CENPS: variants seen among roughly 807,000 people sequenced by gnomAD.
CENPS encodes the protein FANCM associated histone fold protein 1.
In CENPS, 16 loss-of-function variants were observed where a neutral mutation model predicts 17.9. That is an observed-to-expected ratio of 0.90 (90% confidence interval 0.61 to 1.36). The LOEUF is 1.36. CENPS is among the 40% of genes most tolerant of loss of function. The probability of loss-of-function intolerance (pLI) is 0.00; values close to 1 mark genes in which losing one functional copy is unlikely to be tolerated. For synonymous variants in CENPS, 49 were observed against 55.8 expected (o/e 0.88, Z 0.54); for missense variants, 160 against 158.6 (o/e 1.01, Z -0.05).
At chr1:10,439,945 C>A (rs1229696479) in intron 3 of CENPS, among the ~76,000 whole-genome samples, 1 of 152,116 alleles carries the variant, frequency 6.6e-6, no homozygotes, top group Non-Finnish European at 1.5e-5. Flanking sequence ...TATTTAATGT[C>A]TATTTAAGCA....
rs1202467867 is a variant in CENPS, at chr1:10,440,406, A to G, written c.269A>G (p.Asn90Ser). ...GTGAAGCTCTTAGCCAGGAGGAGTA[A>G]TTCACTGGTGAGAGATGAATTTCTT... Reference protein sequence around the residue: ...EDVKLLARRSNSLLKYITDKS... With the variant: ...EDVKLLARRSSSLLKYITDKS... The change falls in exon 4 of 5, where the codon AAT (asparagine) becomes AGT (serine). Residue 90 changes from asparagine to serine, a missense_variant. Coordinates refer to ENST00000309048, the MANE Select transcript of CENPS (RefSeq NM_199294.3). 4.3e-6 allele frequency: 7 copies of G among 1,614,044 alleles called. No homozygotes were observed. Among genetic ancestry groups the G allele is most frequent in the Non-Finnish European group, 5.9e-6 (7 of 1,179,984 alleles).
At chr1:10,434,835 A>G in intron 3 of CENPS, 145 bp downstream of exon 3, 1 of 1,194,992 alleles carries the variant, frequency 8.4e-7, no homozygotes, top group Middle Eastern at 2.0e-4. Context: ...GTTCTGCAAG[A>G]ACATGACGCC....
intron 3 of CENPS, among the ~76,000 whole-genome samples, chr1:10,435,954 G>A (rs371683805): frequency 6.6e-6 from 1 of 150,450 alleles, no homozygotes; most frequent in African/African-American, 2.4e-5. Flanking sequence ...CGGATATTCT[G>A]TGTTTTTTAA....
chr1:10,431,871 A>G, intron 1 of CENPS, among the ~76,000 whole-genome samples: 1 of 150,706 alleles, frequency 6.6e-6, no homozygotes, highest in Non-Finnish European at 1.5e-5. Flanking sequence ...AAAAAAAAAA[A>G]GGCATTCTCC....
chr1:10,436,955 C>T (rs974805183), intron 3 of CENPS, among the ~76,000 whole-genome samples: 1 of 152,018 alleles, frequency 6.6e-6, no homozygotes, highest in African/African-American at 2.4e-5. Flanking sequence ...ATTGATATTC[C>T]TGGAAGGTCA....
rs1639888413 is a variant in CENPS at position 10,431,049 on chromosome 1, G to A, written c.51+481G>A. ...AGGCCCAGAGCTCGTCCTTAGATGT[G>A]GGTTCGAATCTCTGCCCCGCCAACT... On this transcript the variant is annotated intron_variant, in intron 1 of 4. Transcript: ENST00000309048. 4.4e-6 allele frequency: 6 copies of A among 1,353,270 alleles called. No homozygotes were observed. The South Asian group carries it at 9.5e-5, about 21-fold the overall frequency. 83.8% of individuals were successfully genotyped at this position (1,353,270 alleles called of 1,614,324 possible).
chr1:10,431,018 C>G, intron 1 of CENPS: 1 of 1,313,834 alleles, frequency 7.6e-7, no homozygotes, highest in Non-Finnish European at 9.7e-7. Flanking sequence ...GCGGTGCGGA[C>G]CAGTCAGGCC....
At chr1:10,440,546 C>A in intron 4 of CENPS, 133 bp downstream of exon 4, 1 of 1,194,458 alleles carries the variant, frequency 8.4e-7, no homozygotes, top group Non-Finnish European at 1.1e-6. Flanking sequence ...ACCATTCAGA[C>A]CTGCCTGTAA....
chr1:10,435,638 A>C (rs186874280), intron 3 of CENPS, among the ~76,000 whole-genome samples: 3 of 151,542 alleles, frequency 2.0e-5, no homozygotes, highest in Admixed American at 2.0e-4. Context: ...AAAGATATTA[A>C]TACCTTTACT....
At chr1:10,431,257 A>G in intron 1 of CENPS, 1 of 1,534,776 alleles carries the variant, frequency 6.5e-7, no homozygotes, top group Non-Finnish European at 8.7e-7. Flanking sequence ...CGGAGTGGCG[A>G]CCTTAAAGAG....
intron 3 of CENPS, among the ~76,000 whole-genome samples, chr1:10,435,064 G>A (rs1231674740): frequency 2.0e-5 from 3 of 152,178 alleles, no homozygotes; most frequent in Non-Finnish European, 2.9e-5. Context: ...GCCCCTCTGC[G>A]GAGGGAGCTG....
intron 3 of CENPS, among the ~76,000 whole-genome samples, chr1:10,438,710 T>C (rs1236106193): frequency 1.3e-5 from 2 of 152,136 alleles, no homozygotes; most frequent in Admixed American, 6.6e-5. Context: ...TGCCCCTCCA[T>C]TGAGGGCCTT....
At chr1:10,430,850 A>G (rs1457052665) in intron 1 of CENPS, 1 of 1,324,666 alleles carries the variant, frequency 7.5e-7, no homozygotes, top group Admixed American at 3.9e-5. Flanking sequence ...TGGCCTTGCG[A>G]TGAATCCTCG....
chr1:10,437,667 G>C (rs954904841), intron 3 of CENPS, among the ~76,000 whole-genome samples: 1 of 151,502 alleles, frequency 6.6e-6, no homozygotes, highest in Non-Finnish European at 1.5e-5. Flanking sequence ...ATGTTGGCCA[G>C]GTTGGTCTCA....
At position 10,430,475 on chromosome 1, in the gene CENPS, C is replaced by G. The variant is rs779042321; in HGVS notation, c.-43C>G. 2.6e-6 allele frequency: 4 copies of G among 1,531,218 alleles called. No homozygotes were observed. Among genetic ancestry groups the G allele is most frequent in the Non-Finnish European group, 3.5e-6 (4 of 1,139,836 alleles). The allele number at this position is 1,531,218 out of a possible 1,614,324, so 94.9% of individuals were successfully genotyped here. ...TCCGACCTGGCCGCGCACCACCGCC[C>G]CTTCTCGGCCCTCCTGCGTTTGCCC... is the stretch of plus-strand genomic sequence containing the variant. On this transcript the variant is annotated 5_prime_UTR_variant, in exon 1 of 5. Coordinates refer to ENST00000309048, the MANE Select transcript of CENPS (RefSeq NM_199294.3).
intron 3 of CENPS, 76 bp from the exon 4 acceptor site, chr1:10,440,271 C>A: frequency 1.9e-5 from 30 of 1,562,702 alleles, no homozygotes; most frequent in Non-Finnish European, 2.5e-5. Context: ...TGAAGTCTGA[C>A]CGTGAACTTC....
intron 4 of CENPS, among the ~76,000 whole-genome samples, chr1:10,441,527 T>C (rs1047099171): frequency 1.3e-5 from 2 of 151,552 alleles, no homozygotes; most frequent in East Asian, 3.9e-4. Context: ...TTGCCTGGGC[T>C]GGTCTCAAAC....
chr1:10,431,469 A>G (rs1191855657), intron 1 of CENPS: 3 of 1,496,210 alleles, frequency 2.0e-6, no homozygotes, highest in Non-Finnish European at 2.7e-6. Flanking sequence ...GTTTGCTCCC[A>G]TGCTTCCCTC....
intron 3 of CENPS, among the ~76,000 whole-genome samples, chr1:10,439,071 G>A (rs1640300335): frequency 6.6e-6 from 1 of 152,188 alleles, no homozygotes; most frequent in South Asian, 2.1e-4. Context: ...TTAATGTCAT[G>A]ACAAGCAGAT....
Sources: gnomAD v4.1 joint callset for allele counts (sites outside exome capture counted in the v4.1 genomes callset) on GRCh38, gnomAD v4.1.1 for gene constraint, MANE v1.5 for transcripts, NCBI Gene and HGNC (gene_info 2026-07-23, HGNC 2026-07-21) for gene names.